The following WWOX variants were observed in gnomAD, a reference collection of about 807,000 sequenced individuals.
WWOX encodes the protein WW domain containing oxidoreductase.
Under a neutral mutation model 46.2 loss-of-function variants are expected in WWOX, and 69 were observed. That is an observed-to-expected ratio of 1.49 (90% CI 1.23 to 1.82). The LOEUF (loss-of-function observed/expected upper bound fraction) is 1.82. WWOX is among the 40% of genes most tolerant of loss of function. The probability of loss-of-function intolerance (pLI) is 0.00; values close to 1 mark genes in which losing one functional copy is unlikely to be tolerated. For synonymous variants in WWOX, 359 were observed against 202.6 expected (o/e 1.77, Z -6.56); for missense variants, 919 against 542.6 (o/e 1.69, Z -6.89).
intron 8 of WWOX, among the ~76,000 whole-genome samples, chr16:78,537,482 A>C (rs1291414161): frequency 6.6e-6 from 1 of 152,012 alleles, no homozygotes; most frequent in African/African-American, 2.4e-5. Context: ...AAAAGTTCTC[A>C]TTGTTTTATC....
intron 5 of WWOX, among the ~76,000 whole-genome samples, chr16:78,378,943 T>C (rs1266967298): frequency 2.6e-5 from 4 of 152,204 alleles, no homozygotes; most frequent in Non-Finnish European, 5.9e-5. Flanking sequence ...TTCAAGAATA[T>C]GACGACAGGG....
At chr16:78,216,813 C>G (rs993791045) in intron 5 of WWOX, among the ~76,000 whole-genome samples, 1 of 152,132 alleles carries the variant, frequency 6.6e-6, no homozygotes, top group Non-Finnish European at 1.5e-5. Context: ...CTCACTGCAA[C>G]TTCCGCCTCC....
At chr16:78,809,192 G>C (rs187903664) in intron 8 of WWOX, among the ~76,000 whole-genome samples, 8 of 151,804 alleles carry the variant, frequency 5.3e-5, no homozygotes, top group Admixed American at 3.3e-4. Context: ...GTTTCTCCTG[G>C]ATGGTTTCCT....
At chr16:78,919,808 CCTGA>C (rs1204888760) in intron 8 of WWOX, among the ~76,000 whole-genome samples, 1 of 152,156 alleles carries the variant, frequency 6.6e-6, no homozygotes, top group Non-Finnish European at 1.5e-5. Flanking sequence ...AGCCACTGCA[CCTGA>C]CTAAGTGGCT....
At chr16:79,086,571 T>C (rs185272061) in intron 8 of WWOX, among the ~76,000 whole-genome samples, 2 of 152,302 alleles carry the variant, frequency 1.3e-5, no homozygotes, top group African/African-American at 4.8e-5. Context: ...GACCTGACTC[T>C]GGGGTGTGGA....
intron 6 of WWOX, among the ~76,000 whole-genome samples, chr16:78,422,750 C>CAA (rs1555536356): frequency 1.1e-5 from 1 of 94,552 alleles, no homozygotes; most frequent in Non-Finnish European, 1.8e-5. Context: ...TATATATACA[C>CAA]ATATATACAC....
At position 78,346,479 on chromosome 16, in the gene WWOX, A is replaced by T. The variant is rs188532487; in HGVS notation, c.517-40381A>T. Among the ~76,000 whole-genome samples, 118 of 120,162 alleles carry T rather than the reference A, an allele frequency of 9.8e-4. 33 individuals are homozygous for T. The highest frequency in any genetic ancestry group is 4.1e-3 in the Middle Eastern group (1 of 246). The allele number at this position is 120,162 out of a possible 152,430, so 78.8% of individuals were successfully genotyped here. ...ATAACTTTTTAAGAGGTTGGCAAAT[A>T]CTTCCCTAAAGTGGTCATCCCATTT... is the stretch of plus-strand genomic sequence containing the variant. On this transcript the variant is annotated intron_variant, in intron 5 of 8. Coordinates refer to ENST00000566780, the MANE Select transcript of WWOX (RefSeq NM_016373.4).
intron 5 of WWOX, among the ~76,000 whole-genome samples, chr16:78,165,433 G>GATTC (rs2034938795): frequency 6.6e-6 from 1 of 152,172 alleles, no homozygotes. Context: ...AGTGGTCCTA[G>GATTC]GAATCAGTAA....
intron 6 of WWOX, among the ~76,000 whole-genome samples, chr16:78,406,373 A>C (rs1342379133): frequency 1.7e-5 from 2 of 117,736 alleles, no homozygotes; most frequent in Non-Finnish European, 3.5e-5. Flanking sequence ...TTTTTTTTTG[A>C]GACGGAGTCT....
intron 7 of WWOX, 84 bp downstream of exon 7, chr16:78,425,139 T>G: frequency 3.8e-6 from 6 of 1,569,186 alleles, no homozygotes; most frequent in African/African-American, 1.4e-5. Flanking sequence ...CTGAAAATAA[T>G]TTTCATTAGT....
intron 8 of WWOX, among the ~76,000 whole-genome samples, chr16:79,018,188 G>A (rs937754439): frequency 3.9e-5 from 6 of 152,132 alleles, no homozygotes; most frequent in Admixed American, 1.3e-4. Context: ...ATTGTCTATC[G>A]TTGAGTCCCT....
intron 8 of WWOX, among the ~76,000 whole-genome samples, chr16:79,121,367 C>T (rs899130763): frequency 6.6e-6 from 1 of 152,152 alleles, no homozygotes; most frequent in Non-Finnish European, 1.5e-5. Context: ...AAAAATTTTA[C>T]GCATTGTGTT....
At chr16:79,063,333 C>T (rs554364646) in intron 8 of WWOX, among the ~76,000 whole-genome samples, 3 of 152,312 alleles carry the variant, frequency 2.0e-5, no homozygotes, top group Non-Finnish European at 4.4e-5. Flanking sequence ...GTTCCGAAAT[C>T]GGAATATTTC....
chr16:78,665,803 G>T (rs941608094), intron 8 of WWOX, among the ~76,000 whole-genome samples: 3 of 152,130 alleles, frequency 2.0e-5, no homozygotes, highest in South Asian at 2.1e-4. Context: ...TCCTACCTCA[G>T]ACTCTCAAGT....
intron 8 of WWOX, among the ~76,000 whole-genome samples, chr16:78,538,068 T>A (rs2043802279): frequency 6.6e-6 from 1 of 152,080 alleles, no homozygotes; most frequent in South Asian, 2.1e-4. Flanking sequence ...GCATGGTATT[T>A]TGAGCGGCAC....
At chr16:79,132,157 C>A (rs1053047755) in intron 8 of WWOX, among the ~76,000 whole-genome samples, 4 of 151,326 alleles carry the variant, frequency 2.6e-5, no homozygotes, top group Non-Finnish European at 5.9e-5. Context: ...CACACACACA[C>A]ACACACACAC....
intron 5 of WWOX, among the ~76,000 whole-genome samples, chr16:78,189,492 A>G (rs11645718): frequency 0.13 from 20,374 of 152,202 alleles, 1,531 homozygotes; most frequent in African/African-American, 0.19. Flanking sequence ...TTCAGAGACA[A>G]CTGAAGACAG....
At position 78,652,047 on chromosome 16, in the gene WWOX, A is replaced by G. The variant is rs562902086; in HGVS notation, c.1056+219295A>G. Among the ~76,000 whole-genome samples, 453 of 152,226 alleles carry G rather than the reference A, an allele frequency of 3.0e-3. 3 individuals carry two copies. Among genetic ancestry groups the G allele is most frequent in the African/African-American group, 0.011 (443 of 41,534 alleles). ...GCATTCCTAGGACTGTTTTAAAGGA[A>G]GTACCTATGAGGCCTCATGATAAGC... On this transcript the variant is annotated intron_variant, in intron 8 of 8. Transcript: ENST00000566780.
At position 78,905,937 on chromosome 16, in the gene WWOX, A is replaced by G. The variant is rs537857239; in HGVS notation, c.1057-305671A>G. On this transcript the variant is annotated intron_variant, in intron 8 of 8. Coordinates refer to ENST00000566780, the MANE Select transcript of WWOX (RefSeq NM_016373.4). ...GGCTCCTTCCCACCTATGTTGATTA[A>G]TTAAAGGACCCAAGAGCTAAAAGGG... Among the ~76,000 whole-genome samples, 7 of 152,310 alleles carry G rather than the reference A, an allele frequency of 4.6e-5. No homozygotes were observed. The South Asian group carries it at 1.2e-3, about 27-fold the overall frequency.
Sources: gnomAD v4.1 joint callset for allele counts (sites outside exome capture counted in the v4.1 genomes callset) on GRCh38, gnomAD v4.1.1 for gene constraint, MANE v1.5 for transcripts, NCBI Gene and HGNC (gene_info 2026-07-23, HGNC 2026-07-21) for gene names.